The following TRIM33 variants were observed in gnomAD, a reference collection of about 807,000 sequenced individuals.
TRIM33 encodes the protein tripartite motif containing 33.
Under a neutral mutation model 125.4 loss-of-function variants are expected in TRIM33, and 20 were observed. That is an observed-to-expected ratio of 0.16 (90% CI 0.11 to 0.23). The LOEUF is 0.23. Ranked by LOEUF, TRIM33 falls within the 10% of genes least tolerant of loss-of-function variation. TRIM33 has a pLI of 1.00. For missense variants in TRIM33, 920 were observed against 1,411.4 expected, an observed-to-expected ratio of 0.65 and a Z score of 5.58; for synonymous variants, 564 against 513.9, an observed-to-expected ratio of 1.10 and a Z score of -1.32.
intron 11 of TRIM33, among the ~76,000 whole-genome samples, chr1:114,410,903 A>G (rs1299494666): frequency 6.6e-6 from 1 of 152,200 alleles, no homozygotes; most frequent in African/African-American, 2.4e-5. Context: ...TCAGTTTCCT[A>G]TCCTTAAAAC....
At chr1:114,484,819 C>T (rs183005935) in intron 1 of TRIM33, among the ~76,000 whole-genome samples, 82 of 152,158 alleles carry the variant, frequency 5.4e-4, no homozygotes, top group African/African-American at 1.7e-3. Flanking sequence ...GAGCCCACAT[C>T]GCACCACTGC....
intron 11 of TRIM33, among the ~76,000 whole-genome samples, chr1:114,415,813 G>A (rs1314570975): frequency 2.6e-5 from 4 of 151,798 alleles, no homozygotes; most frequent in Admixed American, 6.6e-5. Context: ...TTAGCCGGGC[G>A]GGGTGGTGCA....
At position 114,407,220 on chromosome 1, in the gene TRIM33, A is replaced by G. The variant is rs532586700; in HGVS notation, c.2259-120T>C. 40 of 820,110 alleles carry G rather than the reference A, an allele frequency of 4.9e-5. No individual in the cohort carries two copies. The Admixed American group carries it at 1.1e-3, about 23-fold the overall frequency. 50.8% of individuals were successfully genotyped at this position (820,110 alleles called of 1,614,324 possible). On this transcript the variant is annotated intron_variant, in intron 13 of 19. Transcript: ENST00000358465. The stretch of plus-strand genomic sequence containing the variant: ...CAATAGACAATTAACTTTACAGAAG[A>G]TAAGGATACCTCATAATGTAGTTAA...
At chr1:114,427,150 A>G in intron 8 of TRIM33, 27 bp downstream of exon 8, 1 of 1,114,764 alleles carries the variant, frequency 9.0e-7, no homozygotes, top group Middle Eastern at 2.0e-4. Flanking sequence ...GTTCCAAGTT[A>G]TATTCATAAA....
chr1:114,413,657 AAACTTGCAACACAGTATTTATAGCACTAG>A (rs1349168118), intron 11 of TRIM33, among the ~76,000 whole-genome samples: 7 of 149,264 alleles, frequency 4.7e-5, no homozygotes, highest in African/African-American at 1.7e-4. Flanking sequence ...AAAAAAGGTA[AAACTTGCAACACAGTATTTATAGCACTAG>A]GTGTGTACAT....
intron 11 of TRIM33, among the ~76,000 whole-genome samples, chr1:114,412,194 T>A (rs1162037517): frequency 6.6e-6 from 1 of 152,216 alleles, no homozygotes; most frequent in Non-Finnish European, 1.5e-5. Context: ...ATATATAAGC[T>A]GGCACAATAT....
intron 1 of TRIM33, among the ~76,000 whole-genome samples, chr1:114,479,056 CA>C (rs1452077874): frequency 6.6e-6 from 1 of 151,372 alleles, no homozygotes; most frequent in Non-Finnish European, 1.5e-5. Flanking sequence ...TCTCAAAAAA[CA>C]AAAAAAGATC....
chr1:114,492,310 A>C (rs1652117576), intron 1 of TRIM33, among the ~76,000 whole-genome samples: 1 of 152,218 alleles, frequency 6.6e-6, no homozygotes, highest in Non-Finnish European at 1.5e-5. Context: ...TAGAAGGAAA[A>C]ACATTTTTAA....
chr1:114,500,973 G>A lies in TRIM33; in HGVS notation c.526+9578C>T, dbSNP rs533858806. Among the ~76,000 whole-genome samples, 3 of 127,172 alleles carry A rather than the reference G, an allele frequency of 2.4e-5. 1 individual carries two copies. Among genetic ancestry groups the A allele is most frequent in the East Asian group, 1.9e-4 (1 of 5,134 alleles). The allele number at this position is 127,172 out of a possible 152,430, so 83.4% of individuals were successfully genotyped here. A position where few individuals can be genotyped will look rare whatever the true frequency, so the allele number is the denominator to read the frequency against. ...TGGGAGGCCGAGGCGGGCGGATCAC[G>A]AGGTCAGGAGATCGAGACCATCCCG... On this transcript the variant is annotated intron_variant, in intron 1 of 19. Transcript: ENST00000358465.
Position 114,510,758 on chromosome 1 carries a change from G to A in TRIM33, c.319C>T (p.Pro107Ser), listed in dbSNP as rs989514484. Residue 107 changes from proline (P) to serine (S), a missense_variant, in exon 1 of 20, where the codon CCG (proline) becomes TCG (serine). Around this residue, in one of 8 missense-constraint regions of TRIM33, gnomAD observed 233 missense variants for 189.6 expected, o/e 1.23. Coordinates refer to ENST00000358465, the MANE Select transcript of TRIM33 (RefSeq NM_015906.4). ...PAPAPASAPA[P>S]GPSAGPPPGP... ...GGAGGCGGCCCTGCCGAGGGACCCG[G>A]AGCGGGAGCCGAGGCTGGAGCTGGA... 3.5e-5 allele frequency: 54 copies of A among 1,523,766 alleles called. 1 individual carries two copies. In the African/African-American group the frequency reaches 5.4e-4, roughly 15 times the overall value. 94.4% of individuals were successfully genotyped at this position (1,523,766 alleles called of 1,614,324 possible).
chr1:114,447,378 T>C (rs560051265), intron 4 of TRIM33, among the ~76,000 whole-genome samples: 8 of 152,210 alleles, frequency 5.3e-5, no homozygotes, highest in African/African-American at 1.9e-4. Flanking sequence ...GCCAAGATTT[T>C]TGGCCTATGC....
intron 11 of TRIM33, among the ~76,000 whole-genome samples, chr1:114,410,857 A>G (rs554336893): frequency 1.8e-4 from 27 of 152,316 alleles, no homozygotes; most frequent in South Asian, 4.1e-4. Flanking sequence ...CAGAAGACCC[A>G]TAACTATGAT....
Position 114,421,941 on chromosome 1 carries a change from G to A in TRIM33, c.1861-305C>T, listed in dbSNP as rs905258425. Among the ~76,000 whole-genome samples, 14 of 152,282 alleles carry A rather than the reference G, an allele frequency of 9.2e-5. No homozygotes were observed. The East Asian group carries it at 2.7e-3, about 29-fold the overall frequency. ...GTAAACCTCCAAATTTTCAAACACC[G>A]GGGTAAGAGAACTACCATTCGGTCA... On this transcript the variant is annotated intron_variant, in intron 10 of 19. Coordinates refer to ENST00000358465, the MANE Select transcript of TRIM33 (RefSeq NM_015906.4).
chr1:114,450,456 C>T lies in TRIM33; in HGVS notation c.923+12648G>A, dbSNP rs1167760954. Among the ~76,000 whole-genome samples the T allele has an allele frequency of 7.9e-5, 12 of 152,238 alleles. No individual in the cohort carries two copies. The South Asian group carries it at 1.0e-3, about 13-fold the overall frequency. On this transcript the variant is annotated intron_variant, in intron 4 of 19. Transcript: ENST00000358465. ...AAGTGATTCTCGTGCGTCAGCCTCC[C>T]GAGTAGCTGGGACTACAAGCATGCA...
chr1:114,500,965 C>G (rs913915739), intron 1 of TRIM33, among the ~76,000 whole-genome samples: 1 of 64,936 alleles, frequency 1.5e-5, no homozygotes, highest in Non-Finnish European at 3.3e-5. Context: ...CCGAGGCGGG[C>G]GGATCACGAG....
chr1:114,497,317 T>C (rs377655434), intron 1 of TRIM33, among the ~76,000 whole-genome samples: 1 of 152,208 alleles, frequency 6.6e-6, no homozygotes, highest in South Asian at 2.1e-4. Flanking sequence ...TTCTTTGAGA[T>C]GGAGTTTTCG....
At chr1:114,510,522 C>A in intron 1 of TRIM33, 29 bp downstream of exon 1, 1 of 1,450,786 alleles carries the variant, frequency 6.9e-7, no homozygotes, top group South Asian at 1.4e-5. Flanking sequence ...CCCTTGCGGC[C>A]CAGATGCCAG....
chr1:114,396,990 T>G lies in TRIM33; in HGVS notation c.*658A>C, dbSNP rs1389855133. The G allele has an allele frequency of 4.6e-6, 1 of 217,254 alleles. No individual in the cohort carries two copies. The highest frequency in any genetic ancestry group is 9.3e-6 in the Non-Finnish European group (1 of 108,038). 13.5% of individuals were successfully genotyped at this position (217,254 alleles called of 1,614,324 possible). On this transcript the variant is annotated 3_prime_UTR_variant, in exon 20 of 20. Transcript: ENST00000358465. ...TTTTTGTTTCAGTAGACCATTGAAG[T>G]TGATTAAATGATAACTAGTGGTAGT...
Position 114,399,483 on chromosome 1 carries a change from A to C in TRIM33, c.3094T>G (p.Phe1032Val). 2 of 1,613,830 alleles carry C rather than the reference A, an allele frequency of 1.2e-6. No individual in the cohort carries two copies. Among genetic ancestry groups the C allele is most frequent in the Non-Finnish European group, 1.7e-6 (2 of 1,179,826 alleles). The change falls in exon 18 of 20, where the codon TTC becomes GTC. Residue 1032 changes from phenylalanine (F) to valine (V), a missense_variant. By Grantham distance (50) the Phe-to-Val change is conservative (BLOSUM62 -1). This residue lies in a region of TRIM33 where 122 missense variants were observed against 236.8 expected (regional missense o/e 0.52). Coordinates refer to ENST00000358465, the MANE Select transcript of TRIM33 (RefSeq NM_015906.4). ...DDFVADVRLI[F>V]KNCERFNEMM... ...TCATTAAACCTTTCACAGTTCTTGA[A>C]GATCAAACGGACATCGGCCACAAAG...
Sources: allele counts gnomAD v4.1 joint callset (sites outside exome capture counted in the v4.1 genomes callset), GRCh38; gene constraint gnomAD v4.1.1; regional missense constraint gnomAD v4.1.1; transcripts MANE v1.5; gene names NCBI Gene and HGNC (gene_info 2026-07-23, HGNC 2026-07-21).